The following NAA25 variants were observed in gnomAD, a reference collection of about 807,000 sequenced individuals.
NAA25 encodes the protein N-terminal acetyltransferase B complex subunit NAA25.
NAA25 carries 30 observed loss-of-function variants against 132.5 expected under a neutral mutation model. That is an observed-to-expected ratio of 0.23 (90% CI 0.17 to 0.31). NAA25 has a LOEUF of 0.31. Ranked by LOEUF, NAA25 falls within the 10% of genes least tolerant of loss-of-function variation. The pLI is 1.00. For missense variants in NAA25, 771 were observed against 1,150.4 expected (o/e 0.67, Z 4.77); for synonymous variants, 359 against 401.9 (o/e 0.89, Z 1.28).
chr12:112,037,258 C>T (rs1225093947), intron 22 of NAA25, among the ~76,000 whole-genome samples: 2 of 73,454 alleles, frequency 2.7e-5, no homozygotes, highest in Admixed American at 1.8e-4. Flanking sequence ...ACTCAGATAG[C>T]GATATTTTAA....
In NAA25 at chr12:112,060,270, C is replaced by T. The variant is rs2078608024; in HGVS notation, c.1447G>A (p.Gly483Ser). The T allele has an allele frequency of 2.5e-6, 4 of 1,603,508 alleles. No homozygotes were observed. In the African/African-American group the frequency reaches 4.0e-5, roughly 16 times the overall value. ...HALIDVWRETGDETTVWQALT... is the reference protein window; with the variant it reads ...HALIDVWRETSDETTVWQALT... ...TTGAACTGAAATCACTGCTACTTAC[C>T]TGTTTCCCTCCATACATCAATAAGC... The change falls in exon 13 of 24, where the codon GGT becomes AGT. Residue 483 changes from glycine to serine, a missense_variant and splice_region_variant. Transcript: ENST00000261745.
intron 23 of NAA25, among the ~76,000 whole-genome samples, chr12:112,031,518 C>T (rs778574248): frequency 4.6e-5 from 7 of 152,150 alleles, no homozygotes; most frequent in Non-Finnish European, 1.0e-4. Context: ...AGGTAACTTT[C>T]CCAAGGTCAA....
At chr12:112,079,321 T>A (rs1848289791) in intron 5 of NAA25, among the ~76,000 whole-genome samples, 2 of 152,208 alleles carry the variant, frequency 1.3e-5, no homozygotes, top group Admixed American at 1.3e-4. Context: ...TGGTGGCTCA[T>A]GACTGTAAAC....
chr12:112,059,886 C>T (rs1009059380), intron 13 of NAA25, among the ~76,000 whole-genome samples: 1 of 151,528 alleles, frequency 6.6e-6, no homozygotes, highest in Admixed American at 6.6e-5. Flanking sequence ...CAGCTCACTG[C>T]AACCTCCGCC....
chr12:112,108,696 G>A lies in NAA25; in HGVS notation c.58+20C>T, dbSNP rs937935341. On this transcript the variant is annotated intron_variant, in intron 1 of 23. Coordinates refer to ENST00000261745, the MANE Select transcript of NAA25 (RefSeq NM_024953.4). Reference sequence around the variant, plus strand: ...CCTCGGCGCGTCGGGCTGGCGAGCGGGCTGGTCCAAGACACTCACCGTAAA... The same window carrying A: ...CCTCGGCGCGTCGGGCTGGCGAGCGAGCTGGTCCAAGACACTCACCGTAAA... 6.8e-7 allele frequency: 1 copy of A among 1,474,238 alleles called. No individual in the cohort carries two copies. The highest frequency in any genetic ancestry group is 9.0e-7 in the Non-Finnish European group (1 of 1,105,140). 91.3% of individuals were successfully genotyped at this position (1,474,238 alleles called of 1,614,324 possible). A position where few individuals can be genotyped will look rare whatever the true frequency, so the allele number is the denominator to read the frequency against.
chr12:112,039,557 A>G, intron 21 of NAA25: 1 of 332,076 alleles, frequency 3.0e-6, no homozygotes, highest in Non-Finnish European at 5.5e-6. Context: ...ACTCTTCAGC[A>G]TTTCTTCTGG....
At chr12:112,053,436 G>A (rs2078495872) in intron 15 of NAA25, 122 bp downstream of exon 15, 2 of 709,730 alleles carry the variant, frequency 2.8e-6, no homozygotes, top group East Asian at 5.5e-5. Context: ...TTTGGTCTAA[G>A]GGCACTTGCT....
Position 112,087,661 on chromosome 12 carries a change from G to A in NAA25, c.402+22C>T, listed in dbSNP as rs201585760. ...CTCTAATAGTAAATCCCATAGCCCA[G>A]TAGGTTTGGGGATCAAATTACCTGT... On this transcript the variant is annotated intron_variant, in intron 4 of 23. Transcript: ENST00000261745. 31 of 1,525,292 alleles carry A rather than the reference G, an allele frequency of 2.0e-5. 1 individual carries two copies. The East Asian group carries it at 7.0e-4, about 34-fold the overall frequency. The allele number at this position is 1,525,292 out of a possible 1,614,324, so 94.5% of individuals were successfully genotyped here. A position where few individuals can be genotyped will look rare whatever the true frequency, so the allele number is the denominator to read the frequency against.
At chr12:112,087,626 A>T in intron 4 of NAA25, 57 bp downstream of exon 4, 1 of 1,200,362 alleles carries the variant, frequency 8.3e-7, no homozygotes, top group Admixed American at 1.9e-5. Context: ...CACAAGAAAG[A>T]GACTTTTGCC....
At chr12:112,054,323 T>TA in intron 14 of NAA25, 65 bp downstream of exon 14, 1 of 1,388,910 alleles carries the variant, frequency 7.2e-7, no homozygotes, top group Non-Finnish European at 9.9e-7. Flanking sequence ...AAATCTAAGT[T>TA]AGAGTCCTGT....
intron 23 of NAA25, 51 bp from the exon 24 acceptor site, chr12:112,029,704 C>T (rs1207797604): frequency 6.3e-7 from 1 of 1,586,588 alleles, no homozygotes; most frequent in Non-Finnish European, 8.5e-7. Context: ...ACCATCCCCC[C>T]AGATTCTAGT....
At chr12:112,096,941 T>C (rs921006411) in intron 1 of NAA25, among the ~76,000 whole-genome samples, 1 of 152,172 alleles carries the variant, frequency 6.6e-6, no homozygotes, top group African/African-American at 2.4e-5. Flanking sequence ...GACCAGAGGT[T>C]AGGACTATAA....
In NAA25 at chr12:112,048,338, C is replaced by T; in HGVS notation, c.1834G>A (p.Val612Ile). Reference protein sequence around the residue: ...RLNNSLHFAQVRTERMLLDLL... With the variant: ...RLNNSLHFAQIRTERMLLDLL... Reference sequence around the variant, plus strand: ...TCTAACAGCATCCGTTCAGTACGGACTTGTGCAAAATGAAGAGAATTATTC... The same window carrying T: ...TCTAACAGCATCCGTTCAGTACGGATTTGTGCAAAATGAAGAGAATTATTC... The change falls in exon 16 of 24, where the codon GTC (valine) becomes ATC (isoleucine). Residue 612 changes from valine to isoleucine, a missense_variant. Transcript: ENST00000261745. 6.2e-7 allele frequency: 1 copy of T among 1,614,104 alleles called. No homozygotes were observed. Among genetic ancestry groups the T allele is most frequent in the Non-Finnish European group, 8.5e-7 (1 of 1,180,002 alleles).
intron 15 of NAA25, 103 bp from the exon 16 acceptor site, chr12:112,048,546 T>A (rs1412048693): frequency 1.0e-6 from 1 of 966,200 alleles, no homozygotes; most frequent in Non-Finnish European, 1.6e-6. Flanking sequence ...AATTAAGTTT[T>A]AAATCTAATC....
chr12:112,086,457 T>G (rs138713369), intron 4 of NAA25, among the ~76,000 whole-genome samples: 1 of 151,684 alleles, frequency 6.6e-6, no homozygotes, highest in African/African-American at 2.4e-5. Context: ...ATCGTGCCAC[T>G]GCACTCCAGC....
rs569531544 is a variant in NAA25, at chr12:112,080,492, T to C, written c.477+568A>G. Among the ~76,000 whole-genome samples, 381 of 151,722 alleles carry C rather than the reference T, an allele frequency of 2.5e-3. 4 individuals carry two copies. Among genetic ancestry groups the C allele is most frequent in the African/African-American group, 8.7e-3 (359 of 41,388 alleles). ...TTCAAGACCAGCCTGGTCAAAAGAGTGAGACCCTGTCTCTACAACATTTTT... is the reference window on the plus strand; with the variant it reads ...TTCAAGACCAGCCTGGTCAAAAGAGCGAGACCCTGTCTCTACAACATTTTT... On this transcript the variant is annotated intron_variant, in intron 5 of 23. Transcript: ENST00000261745.
At position 112,086,073 on chromosome 12, in the gene NAA25, T is replaced by TATATATACACACAC. The variant is rs759148501; in HGVS notation, c.402+1609_402+1610insGTGTGTGTATATAT. On this transcript the variant is annotated intron_variant, in intron 4 of 23. Coordinates refer to ENST00000261745, the MANE Select transcript of NAA25 (RefSeq NM_024953.4). Reference sequence around the variant, plus strand: ...AAAAATATATATATATATATATATATACACACACACACACACACACACACA... The same window carrying TATATATACACACAC: ...AAAAATATATATATATATATATATATATATATACACACACACACACACACACACACACACACACA... 1.9e-3 allele frequency among the ~76,000 whole-genome samples: 105 copies of TATATATACACACAC among 53,918 alleles called. 1 individual carries two copies. The highest frequency in any genetic ancestry group is 5.0e-3 in the South Asian group (5 of 992). The allele number at this position is 53,918 out of a possible 152,430, so 35.4% of individuals were successfully genotyped here.
At chr12:112,038,655 G>A (rs1322515056) in intron 22 of NAA25, among the ~76,000 whole-genome samples, 1 of 152,090 alleles carries the variant, frequency 6.6e-6, no homozygotes, top group Non-Finnish European at 1.5e-5. Flanking sequence ...GGCCACACTG[G>A]AAGAAGAATT....
chr12:112,034,957 G>A (rs1456618468), intron 22 of NAA25: 1 of 151,826 alleles, frequency 6.6e-6, no homozygotes, highest in African/African-American at 2.4e-5. Context: ...TAATATAACA[G>A]TACAATATAT....
Sources: allele counts gnomAD v4.1 joint callset (sites outside exome capture counted in the v4.1 genomes callset), GRCh38; gene constraint gnomAD v4.1.1; transcripts MANE v1.5; gene names NCBI Gene and HGNC (gene_info 2026-07-23, HGNC 2026-07-21).